PAPPA2: variants seen among roughly 807,000 people sequenced by gnomAD.
PAPPA2 encodes pappalysin-2.
PAPPA2 carries 86 observed loss-of-function variants against 176.4 expected under a neutral mutation model. The observed-to-expected ratio is 0.49, with a 90% CI of 0.41 to 0.58. The LOEUF is 0.58. Ranked by LOEUF, PAPPA2 falls within the 20% of genes least tolerant of loss-of-function variation. PAPPA2 has a pLI of 0.00. For synonymous variants in PAPPA2, 809 were observed against 852.2 expected (o/e 0.95, Z 0.88); for missense variants, 2,073 against 2,256.9 (o/e 0.92, Z 1.65).
At chr1:176,522,890 C>T (rs1649288018) in intron 1 of PAPPA2, among the ~76,000 whole-genome samples, 1 of 152,132 alleles carries the variant, frequency 6.6e-6, no homozygotes, top group South Asian at 2.1e-4. Flanking sequence ...ATCAGAGGAT[C>T]CTTGTGGCCT....
chr1:176,707,303 C>A (rs1427278671), intron 10 of PAPPA2, among the ~76,000 whole-genome samples: 1 of 152,140 alleles, frequency 6.6e-6, no homozygotes, highest in Non-Finnish European at 1.5e-5. Context: ...ATACAAATGT[C>A]CCTGCTCTCC....
chr1:176,559,190 G>A (rs184043874), intron 2 of PAPPA2, among the ~76,000 whole-genome samples: 11 of 152,210 alleles, frequency 7.2e-5, no homozygotes, highest in Admixed American at 6.5e-5. Flanking sequence ...TCTTTTAACC[G>A]TAAGCATGTA....
At chr1:176,809,389 A>T (rs1557885314) in intron 21 of PAPPA2, among the ~76,000 whole-genome samples, 1 of 152,220 alleles carries the variant, frequency 6.6e-6, no homozygotes. Flanking sequence ...TTGTTTTTAC[A>T]CATTTAGTAG....
At chr1:176,825,441 A>G (rs1386655527) in intron 21 of PAPPA2, among the ~76,000 whole-genome samples, 1 of 152,202 alleles carries the variant, frequency 6.6e-6, no homozygotes, top group Non-Finnish European at 1.5e-5. Flanking sequence ...CTTTTATTTA[A>G]TTGCAGATAC....
chr1:176,791,469 A>G lies in PAPPA2; in HGVS notation c.5007A>G (p.Gln1669=). ...ATTCTGTGGAGTACAAATGTGAACA[A>G]GGATATGGGATTGGTAAGGATAGGA... is the stretch of plus-strand genomic sequence containing the variant. ...ELNSVEYKCE[Q]GYGIGAVCSP... Residue 1669 remains glutamine, a synonymous_variant, in exon 19 of 23, where the codon CAA becomes CAG. Transcript: ENST00000367662. The G allele has an allele frequency of 6.2e-7, 1 of 1,613,832 alleles. No individual in the cohort carries two copies. The highest frequency in any genetic ancestry group is 8.5e-7 in the Non-Finnish European group (1 of 1,179,754).
chr1:176,724,117 A>G (rs989109482), intron 12 of PAPPA2, among the ~76,000 whole-genome samples: 5 of 152,202 alleles, frequency 3.3e-5, no homozygotes, highest in Non-Finnish European at 5.9e-5. Context: ...CACCTATAAT[A>G]TGCCAAAACC....
chr1:176,742,936 T>C (rs1326949191), intron 14 of PAPPA2, among the ~76,000 whole-genome samples: 1 of 152,024 alleles, frequency 6.6e-6, no homozygotes, highest in African/African-American at 2.4e-5. Context: ...CAGTGGCCCA[T>C]CCCTCCTGCA....
chr1:176,793,106 T>C (rs1665254785), intron 19 of PAPPA2, among the ~76,000 whole-genome samples: 1 of 152,188 alleles, frequency 6.6e-6, no homozygotes, highest in Non-Finnish European at 1.5e-5. Context: ...GTCAAGTTCT[T>C]AGGTAGTAGT....
intron 3 of PAPPA2, among the ~76,000 whole-genome samples, chr1:176,638,968 G>A (rs1418849893): frequency 6.6e-6 from 1 of 150,654 alleles, no homozygotes; most frequent in Non-Finnish European, 1.5e-5. Context: ...GTGTGTGTGT[G>A]TGTATGTGTT....
At chr1:176,623,678 T>C (rs1372086216) in intron 3 of PAPPA2, among the ~76,000 whole-genome samples, 3 of 148,702 alleles carry the variant, frequency 2.0e-5, no homozygotes, top group African/African-American at 7.5e-5. Flanking sequence ...TTTTTCTTTC[T>C]TTCTTTCTCT....
intron 3 of PAPPA2, among the ~76,000 whole-genome samples, chr1:176,632,421 C>T (rs896230826): frequency 5.3e-5 from 8 of 151,808 alleles, no homozygotes; most frequent in African/African-American, 1.7e-4. Context: ...AGTGAAGACT[C>T]CGGAGGCTGA....
chr1:176,606,148 C>G (rs1170069364), intron 3 of PAPPA2, among the ~76,000 whole-genome samples: 1 of 151,644 alleles, frequency 6.6e-6, no homozygotes, highest in African/African-American at 2.4e-5. Flanking sequence ...TTAATGCTCA[C>G]CATAGCTCCA....
intron 8 of PAPPA2, 39 bp from the exon 9 acceptor site, chr1:176,702,568 T>C (rs1341353043): frequency 6.2e-7 from 1 of 1,607,976 alleles, no homozygotes; most frequent in Non-Finnish European, 8.5e-7. Flanking sequence ...ATGCCTCACT[T>C]TGTGGCTGTA....
At chr1:176,523,770 T>C (rs1165318438) in intron 1 of PAPPA2, among the ~76,000 whole-genome samples, 1 of 152,162 alleles carries the variant, frequency 6.6e-6, no homozygotes, top group Non-Finnish European at 1.5e-5. Flanking sequence ...ACCTACCCCA[T>C]TTAGCAAAGT....
intron 1 of PAPPA2, among the ~76,000 whole-genome samples, chr1:176,525,750 G>C (rs1345540539): frequency 6.6e-6 from 1 of 152,198 alleles, no homozygotes; most frequent in Non-Finnish European, 1.5e-5. Context: ...GGTACAGCCA[G>C]GTCGCTTTTG....
At chr1:176,788,212 A>G (rs1221117742) in intron 17 of PAPPA2, among the ~76,000 whole-genome samples, 3 of 152,256 alleles carry the variant, frequency 2.0e-5, no homozygotes, top group African/African-American at 7.2e-5. Context: ...AATGCCGAAT[A>G]TAAACCAGAT....
At chr1:176,829,554 G>A (rs1005037387) in intron 21 of PAPPA2, among the ~76,000 whole-genome samples, 1 of 152,190 alleles carries the variant, frequency 6.6e-6, no homozygotes, top group African/African-American at 2.4e-5. Flanking sequence ...AATGCTGGCC[G>A]AGGAACCAGG....
At chr1:176,773,954 A>C (rs111832720) in intron 17 of PAPPA2, among the ~76,000 whole-genome samples, 1 of 152,118 alleles carries the variant, frequency 6.6e-6, no homozygotes. Flanking sequence ...TGCATGCTCT[A>C]TGCCAGTCTC....
chr1:176,478,266 A>G (rs1050050251), intron 1 of PAPPA2, among the ~76,000 whole-genome samples: 3 of 152,254 alleles, frequency 2.0e-5, no homozygotes, highest in Admixed American at 2.0e-4. Context: ...ATATATTCTG[A>G]TATAAAAAAT....
Sources: gnomAD v4.1 joint callset for allele counts (sites outside exome capture counted in the v4.1 genomes callset) on GRCh38, gnomAD v4.1.1 for gene constraint, MANE v1.5 for transcripts, NCBI Gene and HGNC (gene_info 2026-07-23, HGNC 2026-07-21) for gene names.